Variants in PIGU observed in about 807,000 individuals in gnomAD.
PIGU encodes phosphatidylinositol glycan anchor biosynthesis class U, also known as GPI-anchor transamidase component PIGU.
A neutral mutation model predicts 49.9 loss-of-function variants in PIGU; 24 were observed. That is an observed-to-expected ratio of 0.48 (90% CI 0.35 to 0.68). The LOEUF is 0.68. PIGU is among the 30% of genes least tolerant of loss of function. The pLI is 0.01. For synonymous variants in PIGU, 220 were observed against 205.7 expected, an observed-to-expected ratio of 1.07 and a Z score of -0.59; for missense variants, 490 against 532.6, an observed-to-expected ratio of 0.92 and a Z score of 0.79.
chr20:34,620,227 C>G (rs1429010614), intron 6 of PIGU, among the ~76,000 whole-genome samples: 1 of 152,204 alleles, frequency 6.6e-6, no homozygotes, highest in Non-Finnish European at 1.5e-5. Context: ...CCAGTTTCAC[C>G]TCTCACCACT....
intron 1 of PIGU, among the ~76,000 whole-genome samples, chr20:34,674,609 CAG>C (rs1377325444): frequency 6.6e-6 from 1 of 152,084 alleles, no homozygotes; most frequent in East Asian, 1.9e-4. Flanking sequence ...ATGAATAAAA[CAG>C]AATCCTTCAA....
chr20:34,617,360 T>C (rs774681512), intron 6 of PIGU, among the ~76,000 whole-genome samples: 1 of 152,096 alleles, frequency 6.6e-6, no homozygotes, highest in African/African-American at 2.4e-5. Flanking sequence ...GCCACAAGGG[T>C]GGAGCTGCCC....
chr20:34,676,055 T>C (rs915241624), intron 1 of PIGU, among the ~76,000 whole-genome samples: 1 of 152,046 alleles, frequency 6.6e-6, no homozygotes, highest in Non-Finnish European at 1.5e-5. Flanking sequence ...TGTTTGTTTT[T>C]TTTTAATCAT....
At position 34,590,577 on chromosome 20, in the gene PIGU, GTAACATAACATAACATAACA is replaced by G. The variant is rs10544376; in HGVS notation, c.628-1990_628-1971del. Among the ~76,000 whole-genome samples the G allele has an allele frequency of 6.2e-3, 873 of 140,634 alleles. 5 individuals carry two copies. Among genetic ancestry groups the G allele is most frequent in the Non-Finnish European group, 9.9e-3 (648 of 65,398 alleles). The allele number at this position is 140,634 out of a possible 152,430, so 92.3% of individuals were successfully genotyped here. A position where few individuals can be genotyped will look rare whatever the true frequency, so the allele number is the denominator to read the frequency against. On this transcript the variant is annotated intron_variant, in intron 7 of 11. Coordinates refer to ENST00000217446, the MANE Select transcript of PIGU (RefSeq NM_080476.5). ...TCTGTCTCAAATAAAATAGCGTAAC[GTAACATAACATAACATAACA>G]TAACATAACATAACATAACATAACA... is the stretch of plus-strand genomic sequence containing the variant.
intron 7 of PIGU, among the ~76,000 whole-genome samples, chr20:34,615,056 A>G (rs1984955904): frequency 6.6e-6 from 1 of 152,238 alleles, no homozygotes; most frequent in African/African-American, 2.4e-5. Flanking sequence ...CATGGTTCAT[A>G]TCTTAGCAAT....
intron 8 of PIGU, among the ~76,000 whole-genome samples, chr20:34,586,503 C>A (rs1041612496): frequency 6.6e-6 from 1 of 152,116 alleles, no homozygotes; most frequent in Non-Finnish European, 1.5e-5. Context: ...TTATGCTCAG[C>A]CAGGATTTAA....
rs375015261 is a variant in PIGU, at chr20:34,571,068, C to T, written c.1194+4036G>A. Among the ~76,000 whole-genome samples the T allele has an allele frequency of 4.3e-4, 66 of 152,250 alleles. No homozygotes were observed. In the South Asian group the frequency reaches 4.8e-3, roughly 11 times the overall value. On this transcript the variant is annotated intron_variant, in intron 11 of 11. Coordinates refer to ENST00000217446, the MANE Select transcript of PIGU (RefSeq NM_080476.5). The stretch of plus-strand genomic sequence containing the variant: ...CCCTGGAAGCTGTGGGTCATCATCC[C>T]GGTTTTTGAGATAAGGAAACTGCAA...
At chr20:34,623,642 CTCAA>C (rs1339439016) in intron 6 of PIGU, among the ~76,000 whole-genome samples, 1 of 152,156 alleles carries the variant, frequency 6.6e-6, no homozygotes, top group Non-Finnish European at 1.5e-5. Context: ...CCCTCTTGAT[CTCAA>C]TCAAGCACCA....
At chr20:34,619,298 A>T (rs191003339) in intron 6 of PIGU, among the ~76,000 whole-genome samples, 32 of 152,236 alleles carry the variant, frequency 2.1e-4, no homozygotes, top group Admixed American at 2.0e-3. Flanking sequence ...TGAGCCACAG[A>T]CTCTAAACTC....
At chr20:34,667,172 C>T (rs144591733) in intron 1 of PIGU, among the ~76,000 whole-genome samples, 2 of 152,212 alleles carry the variant, frequency 1.3e-5, no homozygotes, top group Non-Finnish European at 2.9e-5. Flanking sequence ...GTATACTTTT[C>T]CTATGGGTGA....
intron 6 of PIGU, among the ~76,000 whole-genome samples, chr20:34,632,391 C>CAA (rs1568649935): frequency 1.8e-4 from 26 of 146,224 alleles, no homozygotes. Context: ...TTTTTTGAGA[C>CAA]GGAGTCTCAC....
In PIGU at chr20:34,655,310, TA is replaced by T. The variant is rs112819535; in HGVS notation, c.195+1869del. On this transcript the variant is annotated intron_variant, in intron 2 of 11. Coordinates refer to ENST00000217446, the MANE Select transcript of PIGU (RefSeq NM_080476.5). The stretch of plus-strand genomic sequence containing the variant: ...CGGTGACAGAGCAAGACCCTGTCTT[TA>T]AAAAAAAAAAATTAGAAGGTACATT... 9.5e-4 allele frequency among the ~76,000 whole-genome samples: 99 copies of T among 104,166 alleles called. 4 individuals carry two copies. Among genetic ancestry groups the T allele is most frequent in the Admixed American group, 1.2e-3 (9 of 7,818 alleles). The allele number at this position is 104,166 out of a possible 152,430, so 68.3% of individuals were successfully genotyped here. A position where few individuals can be genotyped will look rare whatever the true frequency, so the allele number is the denominator to read the frequency against.
At chr20:34,579,760 C>T (rs538412667) in intron 10 of PIGU, among the ~76,000 whole-genome samples, 24 of 152,222 alleles carry the variant, frequency 1.6e-4, no homozygotes, top group Non-Finnish European at 3.2e-4. Context: ...GAAACCCCAT[C>T]CTTCTTCTTT....
rs530958168 is a variant in PIGU at position 34,657,982 on chromosome 20, T to A, written c.131-738A>T. Among the ~76,000 whole-genome samples, 7 of 147,764 alleles carry A rather than the reference T, an allele frequency of 4.7e-5. No homozygotes were observed. The South Asian group carries it at 1.3e-3, about 27-fold the overall frequency. ...CCTCTCTCTCTCTCCACGGTCTCCC[T>A]CTCCCTCTCTTTCCACGGTCTCCCT... On this transcript the variant is annotated intron_variant, in intron 1 of 11. Transcript: ENST00000217446.
chr20:34,571,192 C>T (rs887668721), intron 11 of PIGU, among the ~76,000 whole-genome samples: 2 of 152,198 alleles, frequency 1.3e-5, no homozygotes, highest in African/African-American at 2.4e-5. Flanking sequence ...GCGCACCCCC[C>T]ACCATGGATG....
At chr20:34,634,295 C>G (rs1398712534) in intron 6 of PIGU, among the ~76,000 whole-genome samples, 2 of 152,038 alleles carry the variant, frequency 1.3e-5, no homozygotes, top group Non-Finnish European at 2.9e-5. Context: ...TGGTCTTAAT[C>G]TTCTGGGCTC....
chr20:34,665,111 C>T (rs1356859980), intron 1 of PIGU, among the ~76,000 whole-genome samples: 4 of 151,828 alleles, frequency 2.6e-5, no homozygotes, highest in Non-Finnish European at 4.4e-5. Context: ...CTGCAACCTT[C>T]ACCTCCCGGG....
chr20:34,638,356 T>A (rs1362000412), intron 4 of PIGU, among the ~76,000 whole-genome samples: 1 of 152,260 alleles, frequency 6.6e-6, no homozygotes, highest in Non-Finnish European at 1.5e-5. Context: ...CTTTCACATA[T>A]GTTCACAGTT....
At chr20:34,562,718 G>A (rs559511858) in intron 11 of PIGU, among the ~76,000 whole-genome samples, 27 of 152,368 alleles carry the variant, frequency 1.8e-4, no homozygotes, top group Admixed American at 9.8e-4. Context: ...TGATGAGCAC[G>A]AGATTGGTCA....
Sources: allele counts gnomAD v4.1 joint callset (sites outside exome capture counted in the v4.1 genomes callset), GRCh38; gene constraint gnomAD v4.1.1; transcripts MANE v1.5; gene names NCBI Gene and HGNC (gene_info 2026-07-23, HGNC 2026-07-21).